Variants in ASL observed in about 807,000 individuals in gnomAD.
ASL encodes the protein argininosuccinase.
Under a neutral mutation model 69.1 loss-of-function variants are expected in ASL, and 51 were observed. The ratio of observed to expected loss-of-function variants is 0.74; its 90% CI spans 0.59 to 0.93. The LOEUF is 0.93. Among genes scored for constraint, ASL ranks in the 40% least tolerant of loss-of-function variants. The probability of loss-of-function intolerance (pLI) is 0.00; values close to 1 mark genes in which losing one functional copy is unlikely to be tolerated. For synonymous variants in ASL, 241 were observed against 247.6 expected (o/e 0.97, Z 0.25); for missense variants, 540 against 623.9 (o/e 0.87, Z 1.43).
Position 66,092,589 on chromosome 7 carries a change from G to C in ASL, c.1176G>C (p.Gly392=), listed in dbSNP as rs2115764470. ...MPFRQAHEAS[G]KAVFMAETKG... ...TCCGCCAGGCCCACGAGGCCTCCGG[G>C]AAAGCTGTGTTCATGGCCGAGACCA... Residue 392 remains glycine, a synonymous_variant, in exon 16 of 17, where the codon GGG becomes GGC. Coordinates refer to ENST00000304874, the MANE Select transcript of ASL (RefSeq NM_000048.4). 7 of 1,612,110 alleles carry C rather than the reference G, an allele frequency of 4.3e-6. No individual in the cohort carries two copies. The highest frequency in any genetic ancestry group is 5.9e-6 in the Non-Finnish European group (7 of 1,180,014).
chr7:66,087,205 G>A, intron 8 of ASL, 129 bp from the exon 9 acceptor site: 6 of 1,114,964 alleles, frequency 5.4e-6, no homozygotes, highest in Non-Finnish European at 8.1e-6. Flanking sequence ...CCAGGTGGTT[G>A]CCCTGGCAAC....
In ASL at chr7:66,089,798, CT is replaced by C. The variant is rs1786792885; in HGVS notation, c.1062+104del. On this transcript the variant is annotated intron_variant, in intron 14 of 16. Transcript: ENST00000304874. Reference sequence around the variant, plus strand: ...AGGAGGTGAGGTGGGGCTGGAGGACCTGGGGCAGGGAAGGAGAGGTGTGCTC... The same window carrying C: ...AGGAGGTGAGGTGGGGCTGGAGGACCGGGGCAGGGAAGGAGAGGTGTGCTC... 6 of 1,284,566 alleles carry C rather than the reference CT, an allele frequency of 4.7e-6. No homozygotes were observed. The Admixed American group carries it at 1.2e-4, about 25-fold the overall frequency. 79.6% of individuals were successfully genotyped at this position (1,284,566 alleles called of 1,614,324 possible). A position where few individuals can be genotyped will look rare whatever the true frequency, so the allele number is the denominator to read the frequency against.
intron 6 of ASL, among the ~76,000 whole-genome samples, chr7:66,086,183 C>A (rs1786656474): frequency 6.6e-6 from 1 of 152,128 alleles, no homozygotes; most frequent in African/African-American, 2.4e-5. Flanking sequence ...TGCAGGGCAT[C>A]TCACCTGCTC....
At chr7:66,090,097 G>A (rs1271361813) in intron 14 of ASL, among the ~76,000 whole-genome samples, 2 of 152,064 alleles carry the variant, frequency 1.3e-5, no homozygotes, top group Non-Finnish European at 2.9e-5. Context: ...AATTAGCCAG[G>A]CGTGATGGCC....
At chr7:66,083,291 TC>T in intron 6 of ASL, 117 bp downstream of exon 6, 1 of 1,108,240 alleles carries the variant, frequency 9.0e-7, no homozygotes, top group Non-Finnish European at 1.3e-6. Context: ...GACAGGGGCA[TC>T]CCAGAACTCC....
intron 3 of ASL, 111 bp from the exon 4 acceptor site, chr7:66,082,257 C>A: frequency 8.1e-7 from 1 of 1,238,786 alleles, no homozygotes; most frequent in Non-Finnish European, 1.2e-6. Flanking sequence ...CAGGACTCAG[C>A]TCCTGGGCAG....
chr7:66,091,901 A>G, intron 14 of ASL, 105 bp from the exon 15 acceptor site: 1 of 1,141,566 alleles, frequency 8.8e-7, no homozygotes. Flanking sequence ...GTAAGAGAGT[A>G]TCTGCCCAAG....
chr7:66,076,592 C>T (rs536736208), intron 2 of ASL, among the ~76,000 whole-genome samples: 22 of 152,322 alleles, frequency 1.4e-4, no homozygotes, highest in East Asian at 1.2e-3. Flanking sequence ...CCTCGTGGCT[C>T]CAGCAACCCT....
chr7:66,089,366 G>C (rs1176323628), intron 13 of ASL, 31 bp downstream of exon 13: 2 of 1,576,044 alleles, frequency 1.3e-6, no homozygotes, highest in African/African-American at 1.3e-5. Context: ...TGGCTAGTAC[G>C]TGCCAGTTCT....
rs879422673 is a variant in ASL, at chr7:66,092,676, C to T, written c.1250+13C>T. Reference sequence around the variant, plus strand: ...TGCAGACCATCAGGTACGGCCCATCCCCTTCCCCATGCTGCCTCCTAGGAA... The same window carrying T: ...TGCAGACCATCAGGTACGGCCCATCTCCTTCCCCATGCTGCCTCCTAGGAA... On this transcript the variant is annotated intron_variant, in intron 16 of 16. Transcript: ENST00000304874. 3.7e-5 allele frequency: 59 copies of T among 1,613,622 alleles called. No homozygotes were observed. The highest frequency in any genetic ancestry group is 4.6e-5 in the Non-Finnish European group (54 of 1,179,974).
At position 66,093,163 on chromosome 7, in the gene ASL, A is replaced by C; in HGVS notation, c.*251A>C. The C allele has an allele frequency of 3.4e-6, 2 of 587,384 alleles. No homozygotes were observed. Among genetic ancestry groups the C allele is most frequent in the Non-Finnish European group, 6.0e-6 (2 of 332,786 alleles). 36.4% of individuals were successfully genotyped at this position (587,384 alleles called of 1,614,324 possible). A position where few individuals can be genotyped will look rare whatever the true frequency, so the allele number is the denominator to read the frequency against. ...GACCCCCATCTCTACTCAATAATAA[A>C]ACAAATAGCCTGGCGTGGTGGCCCA... On this transcript the variant is annotated 3_prime_UTR_variant, in exon 17 of 17. Coordinates refer to ENST00000304874, the MANE Select transcript of ASL (RefSeq NM_000048.4).
intron 11 of ASL, 62 bp from the exon 12 acceptor site, chr7:66,089,029 C>T: frequency 6.2e-7 from 1 of 1,610,930 alleles, no homozygotes; most frequent in South Asian, 1.1e-5. Flanking sequence ...CCAGACCTGG[C>T]CATTGCGGCG....
chr7:66,090,645 T>C (rs767810406), intron 14 of ASL, among the ~76,000 whole-genome samples: 1 of 152,172 alleles, frequency 6.6e-6, no homozygotes, highest in Admixed American at 6.6e-5. Flanking sequence ...ATGAACCCTA[T>C]GTACCGACAC....
At chr7:66,079,201 G>C (rs767547734) in intron 2 of ASL, among the ~76,000 whole-genome samples, 1 of 152,170 alleles carries the variant, frequency 6.6e-6, no homozygotes, top group Non-Finnish European at 1.5e-5. Flanking sequence ...ATAGGTGTGA[G>C]CCACCACGCC....
intron 2 of ASL, among the ~76,000 whole-genome samples, chr7:66,077,726 C>A (rs1405412199): frequency 6.6e-6 from 1 of 151,980 alleles, no homozygotes; most frequent in African/African-American, 2.4e-5. Context: ...AAGACTCCAC[C>A]TCAAAAAAAG....
At chr7:66,083,227 A>T in intron 6 of ASL, 53 bp downstream of exon 6, 1 of 1,588,666 alleles carries the variant, frequency 6.3e-7, no homozygotes, top group South Asian at 1.1e-5. Flanking sequence ...TGGAAGCCTG[A>T]ACAGGAGACC....
chr7:66,090,138 G>C (rs188383676), intron 14 of ASL, among the ~76,000 whole-genome samples: 2 of 152,000 alleles, frequency 1.3e-5, no homozygotes, highest in African/African-American at 4.8e-5. Context: ...CTCAGGAGGC[G>C]GAGGCAGAAG....
At chr7:66,091,054 C>G (rs887325673) in intron 14 of ASL, among the ~76,000 whole-genome samples, 1 of 146,884 alleles carries the variant, frequency 6.8e-6, no homozygotes, top group Non-Finnish European at 1.5e-5. Flanking sequence ...GCAGAGATCA[C>G]GCCACTGCGC....
At chr7:66,089,237 G>A (rs1786768857) in intron 12 of ASL, 39 bp from the exon 13 acceptor site, 1 of 1,611,424 alleles carries the variant, frequency 6.2e-7, no homozygotes, top group Admixed American at 1.7e-5. Context: ...AGGGGGGCAG[G>A]ATCCCGGGTC....
Sources: gnomAD v4.1 joint callset for allele counts (sites outside exome capture counted in the v4.1 genomes callset) on GRCh38, gnomAD v4.1.1 for gene constraint, MANE v1.5 for transcripts, NCBI Gene and HGNC (gene_info 2026-07-23, HGNC 2026-07-21) for gene names.